The following PTPRM variants were observed in gnomAD, a reference collection of about 807,000 sequenced individuals.
PTPRM encodes protein tyrosine phosphatase receptor type M, also known as receptor-type tyrosine-protein phosphatase mu.
A neutral mutation model predicts 186.7 loss-of-function variants in PTPRM; 47 were observed. The observed-to-expected ratio is 0.25, with a 90% CI of 0.20 to 0.32. The LOEUF (loss-of-function observed/expected upper bound fraction) is 0.32, where lower values mean the gene tolerates loss of function less well. Among genes scored for constraint, PTPRM ranks in the 10% least tolerant of loss-of-function variants. PTPRM has a pLI of 1.00. For missense variants in PTPRM, 1,494 were observed against 1,865.0 expected (o/e 0.80, Z 3.66); for synonymous variants, 668 against 674.9 (o/e 0.99, Z 0.16).
rs534927534 is a variant in PTPRM, at chr18:8,014,187, C to T, written c.1133-55499C>T. On this transcript the variant is annotated intron_variant, in intron 7 of 32. Transcript: ENST00000580170. ...CTTTAGAATACAAAAAATTAATATT[C>T]GGTCAATTTTTTGAAAAAAATTTAT... 1.8e-4 allele frequency among the ~76,000 whole-genome samples: 27 copies of T among 151,904 alleles called. 1 individual carries two copies. In the South Asian group the frequency reaches 3.5e-3, roughly 20 times the overall value.
In PTPRM at chr18:7,901,275, G is replaced by A. The variant is rs543958066; in HGVS notation, c.469-5230G>A. 1.2e-4 allele frequency among the ~76,000 whole-genome samples: 18 copies of A among 148,418 alleles called. No individual in the cohort carries two copies. In the East Asian group the frequency reaches 3.3e-3, roughly 27 times the overall value. ...TACATAATGGAAAATTTGCCAGATA[G>A]CCAGAGTTCACAACAGTGGAACCTT... On this transcript the variant is annotated intron_variant, in intron 3 of 32. Coordinates refer to ENST00000580170, the MANE Select transcript of PTPRM (RefSeq NM_001105244.2).
chr18:7,685,439 C>A (rs1324676984), intron 1 of PTPRM, among the ~76,000 whole-genome samples: 1 of 152,140 alleles, frequency 6.6e-6, no homozygotes, highest in African/African-American at 2.4e-5. Context: ...AATTACTGTT[C>A]TAGCTTTGTA....
intron 22 of PTPRM, among the ~76,000 whole-genome samples, chr18:8,339,414 C>T (rs185419452): frequency 9.9e-5 from 15 of 152,252 alleles, no homozygotes; most frequent in Admixed American, 5.9e-4. Flanking sequence ...CATCTGTAAA[C>T]GCACCACCAC....
chr18:8,258,474 G>A (rs1046413348), intron 19 of PTPRM, among the ~76,000 whole-genome samples: 13 of 152,202 alleles, frequency 8.5e-5, no homozygotes, highest in East Asian at 7.8e-4. Context: ...TTGATACCAC[G>A]TCAGGTCCAA....
intron 14 of PTPRM, among the ~76,000 whole-genome samples, chr18:8,216,737 T>G (rs894873302): frequency 6.6e-6 from 1 of 152,276 alleles, no homozygotes; most frequent in African/African-American, 2.4e-5. Context: ...CTAGGCATTT[T>G]GTGGGAAATT....
chr18:8,227,221 T>C (rs8098107), intron 14 of PTPRM, among the ~76,000 whole-genome samples: 67,853 of 151,970 alleles, frequency 0.45, 15,754 homozygotes, highest in African/African-American at 0.57. Flanking sequence ...AGTAGGTGGA[T>C]GCCTTCAGGA....
intron 7 of PTPRM, among the ~76,000 whole-genome samples, chr18:8,033,446 G>T (rs112881416): frequency 6.6e-6 from 1 of 152,112 alleles, no homozygotes; most frequent in Non-Finnish European, 1.5e-5. Flanking sequence ...TGCAAACATC[G>T]TAGAGTGCAC....
At chr18:8,085,605 T>A in intron 9 of PTPRM, 66 bp from the exon 10 acceptor site, 2 of 1,376,664 alleles carry the variant, frequency 1.5e-6, no homozygotes, top group Non-Finnish European at 2.1e-6. Flanking sequence ...GAAGGGTTTA[T>A]TGGATAAAGA....
intron 3 of PTPRM, among the ~76,000 whole-genome samples, chr18:7,900,647 A>G (rs569838096): frequency 6.6e-6 from 1 of 152,358 alleles, no homozygotes; most frequent in African/African-American, 2.4e-5. Context: ...AAAAGAGTCC[A>G]GACTTGGAAG....
intron 13 of PTPRM, among the ~76,000 whole-genome samples, chr18:8,115,462 G>A (rs1037109001): frequency 2.6e-5 from 4 of 152,116 alleles, no homozygotes; most frequent in Admixed American, 6.5e-5. Flanking sequence ...GTGTGTTTGT[G>A]AACATGAGCT....
chr18:7,801,722 C>T lies in PTPRM; in HGVS notation c.196+27451C>T, dbSNP rs929751329. 4.6e-5 allele frequency among the ~76,000 whole-genome samples: 7 copies of T among 152,314 alleles called. No individual in the cohort carries two copies. The South Asian group carries it at 1.4e-3, about 32-fold the overall frequency. Reference sequence around the variant, plus strand: ...TAGCAGCAACACTAACACATGAGCACTGCGTTGCACTATGATAGGATGACT... The same window carrying T: ...TAGCAGCAACACTAACACATGAGCATTGCGTTGCACTATGATAGGATGACT... On this transcript the variant is annotated intron_variant, in intron 2 of 32. Coordinates refer to ENST00000580170, the MANE Select transcript of PTPRM (RefSeq NM_001105244.2).
At chr18:7,944,660 T>G (rs1038561364) in intron 5 of PTPRM, among the ~76,000 whole-genome samples, 3 of 152,214 alleles carry the variant, frequency 2.0e-5, no homozygotes, top group Non-Finnish European at 4.4e-5. Flanking sequence ...TCTCCTATAC[T>G]TTCCCTATAG....
chr18:8,005,188 G>A (rs187310162), intron 7 of PTPRM, among the ~76,000 whole-genome samples: 106 of 152,290 alleles, frequency 7.0e-4, no homozygotes, highest in Admixed American at 6.8e-3. Flanking sequence ...TGTAGAAAAT[G>A]TCTGTCTCAA....
intron 1 of PTPRM, among the ~76,000 whole-genome samples, chr18:7,744,744 A>G (rs114275575): frequency 0.017 from 2,643 of 152,274 alleles, 91 homozygotes; most frequent in African/African-American, 0.06. Context: ...CAGAGCCACT[A>G]TGAGGATAAT....
chr18:7,678,893 A>C (rs1025868080), intron 1 of PTPRM, among the ~76,000 whole-genome samples: 1 of 152,174 alleles, frequency 6.6e-6, no homozygotes. Context: ...ATCTGTATGC[A>C]TGTATCCGTA....
chr18:7,886,876 C>T (rs2048814844), intron 2 of PTPRM, among the ~76,000 whole-genome samples: 1 of 152,200 alleles, frequency 6.6e-6, no homozygotes, highest in South Asian at 2.1e-4. Context: ...TACTTACAGT[C>T]ATTCTTTGGG....
intron 1 of PTPRM, among the ~76,000 whole-genome samples, chr18:7,703,368 T>C (rs2040006814): frequency 6.6e-6 from 1 of 152,200 alleles, no homozygotes; most frequent in Admixed American, 6.5e-5. Context: ...TTTGTAGTTC[T>C]CCCTGAAGAG....
At chr18:7,875,485 G>T (rs1309374699) in intron 2 of PTPRM, among the ~76,000 whole-genome samples, 1 of 151,798 alleles carries the variant, frequency 6.6e-6, no homozygotes, top group Non-Finnish European at 1.5e-5. Flanking sequence ...CACCATGCCT[G>T]GCTAGTTTTT....
At chr18:8,195,235 T>C (rs926441254) in intron 14 of PTPRM, among the ~76,000 whole-genome samples, 1 of 151,120 alleles carries the variant, frequency 6.6e-6, no homozygotes, top group African/African-American at 2.4e-5. Context: ...ATTGGCTACC[T>C]GTAACCTCTG....
Sources: allele counts gnomAD v4.1 joint callset (sites outside exome capture counted in the v4.1 genomes callset), GRCh38; gene constraint gnomAD v4.1.1; transcripts MANE v1.5; gene names NCBI Gene and HGNC (gene_info 2026-07-23, HGNC 2026-07-21).